Variants in CDH23 observed in about 807,000 individuals in gnomAD.
CDH23 encodes cadherin related 23.
In CDH23, 189 loss-of-function variants were observed where a neutral mutation model predicts 317.1. The observed-to-expected ratio is 0.60, with a 90% CI of 0.53 to 0.67. The LOEUF is 0.67. Among genes scored for constraint, CDH23 ranks in the 30% least tolerant of loss-of-function variants. CDH23 has a pLI of 0.00. For missense variants in CDH23, 4,401 were observed against 4,592.4 expected, an observed-to-expected ratio of 0.96 and a Z score of 1.20; for synonymous variants, 1,839 against 1,876.8, an observed-to-expected ratio of 0.98 and a Z score of 0.52.
At chr10:71,796,848 A>G (rs1841417641) in intron 48 of CDH23, 1 of 384,256 alleles carries the variant, frequency 2.6e-6, no homozygotes, top group Non-Finnish European at 4.9e-6. Flanking sequence ...TAGTTTTACA[A>G]ATGTGGACAC....
chr10:71,577,088 T>A (rs545447241), intron 8 of CDH23, among the ~76,000 whole-genome samples: 1 of 152,302 alleles, frequency 6.6e-6, no homozygotes, highest in South Asian at 2.1e-4. Flanking sequence ...TTCCTCCAGG[T>A]GGACTTCTCC....
chr10:71,653,006 C>T lies in CDH23; in HGVS notation c.1449+6389C>T, dbSNP rs572421559. Among the ~76,000 whole-genome samples the T allele has an allele frequency of 3.9e-5, 6 of 152,292 alleles. No homozygotes were observed. The East Asian group carries it at 1.2e-3, about 29-fold the overall frequency. Reference sequence around the variant, plus strand: ...GTGCCACCCACCCTGCAAGGGTCCCCACCCACCCACTGGCCTCTAGAGCCC... The same window carrying T: ...GTGCCACCCACCCTGCAAGGGTCCCTACCCACCCACTGGCCTCTAGAGCCC... On this transcript the variant is annotated intron_variant, in intron 14 of 69. Transcript: ENST00000224721.
intron 1 of CDH23, among the ~76,000 whole-genome samples, chr10:71,416,171 C>T (rs952222473): frequency 3.3e-5 from 5 of 152,070 alleles, no homozygotes; most frequent in African/African-American, 4.8e-5. Flanking sequence ...ATTACAGGTG[C>T]GCACCACCAT....
intron 9 of CDH23, among the ~76,000 whole-genome samples, chr10:71,595,400 C>G (rs889863427): frequency 7.9e-5 from 12 of 152,154 alleles, no homozygotes; most frequent in African/African-American, 2.7e-4. Context: ...CACCCGCTTG[C>G]ATCATCTACT....
chr10:71,751,163 G>C lies in CDH23; in HGVS notation c.4845+9242G>C. 4 of 1,453,922 alleles carry C rather than the reference G, an allele frequency of 2.8e-6. No homozygotes were observed. The highest frequency in any genetic ancestry group is 3.7e-6 in the Non-Finnish European group (4 of 1,067,500). The allele number at this position is 1,453,922 out of a possible 1,614,324, so 90.1% of individuals were successfully genotyped here. The stretch of plus-strand genomic sequence containing the variant: ...GAGCAGGAGGGAGGGAACCAGGGCC[G>C]AGGCCAAGGAGGCCACTCACAGAGC... On this transcript the variant is annotated intron_variant, in intron 38 of 69. Transcript: ENST00000224721. The surrounding 1 kb of genome is among the most constrained non-coding windows in gnomAD (Gnocchi z 4.9).
intron 14 of CDH23, among the ~76,000 whole-genome samples, chr10:71,649,824 A>G (rs748877733): frequency 3.3e-5 from 5 of 152,238 alleles, no homozygotes; most frequent in Non-Finnish European, 4.4e-5. Context: ...GGCCAACTGT[A>G]TCTCTAACCT....
intron 38 of CDH23, among the ~76,000 whole-genome samples, chr10:71,758,093 G>A (rs1840194558): frequency 6.6e-6 from 1 of 152,192 alleles, no homozygotes; most frequent in African/African-American, 2.4e-5. Flanking sequence ...CAGCACTTTG[G>A]GGAGCCAAGG....
At chr10:71,713,027 G>T in intron 28 of CDH23, 1 of 734,630 alleles carries the variant, frequency 1.4e-6, no homozygotes. Flanking sequence ...CTGAGGATAG[G>T]GCTCTGGCTC....
At chr10:71,761,360 T>C (rs1484370132) in intron 38 of CDH23, among the ~76,000 whole-genome samples, 1 of 151,988 alleles carries the variant, frequency 6.6e-6, no homozygotes, top group African/African-American at 2.4e-5. Context: ...CCTCACACAT[T>C]AAAAAGTCTC....
intron 23 of CDH23, 59 bp from the exon 24 acceptor site, chr10:71,702,490 G>A (rs1053296057): frequency 7.9e-5 from 127 of 1,600,832 alleles, no homozygotes; most frequent in Middle Eastern, 1.7e-4. Flanking sequence ...CTTCCTGTCC[G>A]TTTTCTCTTG....
At chr10:71,641,538 G>A (rs1174791295) in intron 11 of CDH23, among the ~76,000 whole-genome samples, 1 of 152,190 alleles carries the variant, frequency 6.6e-6, no homozygotes, top group Non-Finnish European at 1.5e-5. Flanking sequence ...CTTTGCTTAG[G>A]ACAGTGCTCC....
chr10:71,412,353 T>G (rs2131923520), intron 1 of CDH23, among the ~76,000 whole-genome samples: 1 of 152,336 alleles, frequency 6.6e-6, no homozygotes, highest in Non-Finnish European at 1.5e-5. Context: ...AATATGGTAA[T>G]TTTATGTTTA....
At chr10:71,563,651 T>A (rs945512088) in intron 6 of CDH23, among the ~76,000 whole-genome samples, 2 of 152,202 alleles carry the variant, frequency 1.3e-5, no homozygotes, top group African/African-American at 4.8e-5. Context: ...CAATAACCAT[T>A]TATCGAGTGT....
At chr10:71,737,272 C>T (rs1050405350) in intron 34 of CDH23, among the ~76,000 whole-genome samples, 1 of 152,202 alleles carries the variant, frequency 6.6e-6, no homozygotes, top group Admixed American at 6.5e-5. Context: ...GTAGGTGCCA[C>T]CCCTTCACTT....
intron 2 of CDH23, among the ~76,000 whole-genome samples, chr10:71,445,567 G>A (rs944718866): frequency 6.6e-6 from 1 of 152,164 alleles, no homozygotes; most frequent in African/African-American, 2.4e-5. Flanking sequence ...GACAACGTGC[G>A]ATGGCTCACG....
At chr10:71,591,812 G>T (rs1231368179) in intron 9 of CDH23, among the ~76,000 whole-genome samples, 1 of 152,070 alleles carries the variant, frequency 6.6e-6, no homozygotes, top group Non-Finnish European at 1.5e-5. Context: ...CCCAGGGCAG[G>T]TGCTCAGGAA....
intron 1 of CDH23, among the ~76,000 whole-genome samples, chr10:71,409,914 G>T (rs1011483564): frequency 6.6e-6 from 1 of 152,176 alleles, no homozygotes; most frequent in Non-Finnish European, 1.5e-5. Context: ...CTCTCCCTTT[G>T]TGCCTGGTCT....
At chr10:71,534,478 A>G (rs994490647) in intron 6 of CDH23, among the ~76,000 whole-genome samples, 6 of 152,166 alleles carry the variant, frequency 3.9e-5, no homozygotes, top group African/African-American at 9.7e-5. Context: ...TGCTACTGAT[A>G]CAGAAATGAA....
chr10:71,407,656 G>T (rs1340439440), intron 1 of CDH23, among the ~76,000 whole-genome samples: 1 of 152,196 alleles, frequency 6.6e-6, no homozygotes, highest in Non-Finnish European at 1.5e-5. Context: ...TTCTGGCCGT[G>T]CATCTTAGTC....
Sources: gnomAD v4.1 joint callset for allele counts (sites outside exome capture counted in the v4.1 genomes callset) on GRCh38, gnomAD v4.1.1 for gene constraint, Gnocchi (gnomAD v3.1) non-coding constraint, MANE v1.5 for transcripts, NCBI Gene and HGNC (gene_info 2026-07-23, HGNC 2026-07-21) for gene names.